Variants in PCDHGA4 observed in about 807,000 individuals in gnomAD.
The protein encoded by PCDHGA4 is protocadherin gamma-A4.
PCDHGA4 carries 38 observed loss-of-function variants against 54.6 expected under a neutral mutation model. The observed-to-expected ratio is 0.70, with a 90% CI of 0.54 to 0.91. The LOEUF is 0.91. Ranked by LOEUF, PCDHGA4 falls within the 40% of genes least tolerant of loss-of-function variation. PCDHGA4 has a pLI of 0.00. For synonymous variants in PCDHGA4, 511 were observed against 512.9 expected, an observed-to-expected ratio of 1.00 and a Z score of 0.05; for missense variants, 1,298 against 1,220.9, an observed-to-expected ratio of 1.06 and a Z score of -0.94.
Position 141,485,495 on chromosome 5 carries a change from T to C in PCDHGA4, c.2515-9312T>C. 1 of 1,613,494 alleles carries C rather than the reference T, an allele frequency of 6.2e-7. No homozygotes were observed. Among genetic ancestry groups the C allele is most frequent in the African/African-American group, 1.3e-5 (1 of 74,780 alleles). On this transcript the variant is annotated intron_variant, in intron 1 of 3. Coordinates refer to ENST00000571252, the MANE Select transcript of PCDHGA4 (RefSeq NM_018917.4). This position sits in a 1 kb window ranked among gnomAD's most constrained non-coding sequence, Gnocchi z 5.7. ...TGCCAGCTGCATCGTGCCCCTGGAG[T>C]TTGTCACCGAAGGTCCTTTGGAAAT...
At chr5:141,478,603 A>C (rs116528962) in intron 1 of PCDHGA4, 173 of 1,563,096 alleles carry the variant, frequency 1.1e-4, no homozygotes, top group Non-Finnish European at 1.4e-4. Context: ...CCTACATCAT[A>C]TTGAGGAAGG....
Position 141,421,845 on chromosome 5 carries a change from G to C in PCDHGA4, c.2514+64224G>C, listed in dbSNP as rs369443134. On this transcript the variant is annotated intron_variant, in intron 1 of 3. Transcript: ENST00000571252. ...AGGGAAGCCTGGACCGAGAGAAAGA[G>C]GCTGCTCACCTGCTCCTCCTCACAG... The C allele has an allele frequency of 1.1e-5, 18 of 1,613,638 alleles. No homozygotes were observed. The African/African-American group carries it at 2.1e-4, about 19-fold the overall frequency.
chr5:141,432,763 C>T lies in PCDHGA4; in HGVS notation c.2515-62044C>T. The T allele has an allele frequency of 6.2e-7, 1 of 1,614,152 alleles. No homozygotes were observed. The highest frequency in any genetic ancestry group is 8.5e-7 in the Non-Finnish European group (1 of 1,180,004). ...TCACCGTGGCCGTGGCCGACAGCAT[C>T]CCCCAAGTCCTGGCGGACCTCGGCA... On this transcript the variant is annotated intron_variant, in intron 1 of 3. Transcript: ENST00000571252. This position sits in a 1 kb window ranked among gnomAD's most constrained non-coding sequence, Gnocchi z 6.0.
At chr5:141,414,313 T>C in intron 1 of PCDHGA4, 1 of 1,613,748 alleles carries the variant, frequency 6.2e-7, no homozygotes, top group Non-Finnish European at 8.5e-7. Context: ...TGATTTAGAC[T>C]CTGAGCAGAA....
At chr5:141,366,199 G>C (rs1764397175) in intron 1 of PCDHGA4, 1 of 1,613,876 alleles carries the variant, frequency 6.2e-7, no homozygotes, top group Non-Finnish European at 8.5e-7. Flanking sequence ...GGCTGCACAC[G>C]GGCGAGGTGC....
intron 1 of PCDHGA4, chr5:141,404,993 C>G (rs1159647700): frequency 6.2e-7 from 1 of 1,613,850 alleles, no homozygotes; most frequent in Non-Finnish European, 8.5e-7. Flanking sequence ...TCTTCAGATC[C>G]CTGCAGACCT....
At chr5:141,384,274 G>C (rs1396743546) in intron 1 of PCDHGA4, 1 of 1,613,704 alleles carries the variant, frequency 6.2e-7, no homozygotes, top group Non-Finnish European at 8.5e-7. Flanking sequence ...ATCCTACTCA[G>C]TCTACATCGC....
At position 141,356,557 on chromosome 5, in the gene PCDHGA4, C is replaced by T; in HGVS notation, c.1450C>T (p.Pro484Ser). Residue 484 changes from proline (P) to serine (S), a missense_variant, in exon 1 of 4, where the codon CCT (proline) becomes TCT (serine). Coordinates refer to ENST00000571252, the MANE Select transcript of PCDHGA4 (RefSeq NM_018917.4). Reference protein sequence around the residue: ...MDINDNPPTFPHASYSAYIPE... With the variant: ...MDINDNPPTFSHASYSAYIPE... ...CATCAATGACAACCCACCCACTTTC[C>T]CTCATGCTTCCTACTCTGCTTACAT... 6.2e-7 allele frequency: 1 copy of T among 1,614,138 alleles called. No individual in the cohort carries two copies. Among genetic ancestry groups the T allele is most frequent in the Non-Finnish European group, 8.5e-7 (1 of 1,180,022 alleles).
chr5:141,410,009 T>G, intron 1 of PCDHGA4: 1 of 1,613,318 alleles, frequency 6.2e-7, no homozygotes, highest in Non-Finnish European at 8.5e-7. Context: ...ACACAACGCC[T>G]GGCTGTCCTA....
At chr5:141,406,948 CAT>C (rs777377851) in intron 1 of PCDHGA4, among the ~76,000 whole-genome samples, 2 of 152,096 alleles carry the variant, frequency 1.3e-5, no homozygotes, top group Non-Finnish European at 2.9e-5. Context: ...TTATTTTAAA[CAT>C]AGTGTTGTTT....
At chr5:141,399,189 A>G (rs1015744299) in intron 1 of PCDHGA4, 11 of 1,613,970 alleles carry the variant, frequency 6.8e-6, no homozygotes, top group African/African-American at 1.3e-5. Context: ...TGATTCTGGA[A>G]AACGCGGTGC....
rs376285031 is a variant in PCDHGA4 at position 141,356,912 on chromosome 5, G to C, written c.1805G>C (p.Gly602Ala). The part of the protein sequence containing the change: ...EILYPTFPTD[G>A]STGVELAPRS... ...CTGTACCCCACCTTCCCTACTGATG[G>C]CTCCACTGGTGTGGAGCTGGCACCC... Residue 602 changes from glycine to alanine, a missense_variant, in exon 1 of 4, where the codon GGC becomes GCC. Physicochemically the swap from Gly to Ala is moderately conservative, Grantham distance 60. Coordinates refer to ENST00000571252, the MANE Select transcript of PCDHGA4 (RefSeq NM_018917.4). 48 of 1,614,012 alleles carry C rather than the reference G, an allele frequency of 3.0e-5. No individual in the cohort carries two copies. The highest frequency in any genetic ancestry group is 3.5e-5 in the Non-Finnish European group (41 of 1,180,038).
At chr5:141,365,601 T>TCATGGAC in intron 1 of PCDHGA4, 4 of 1,613,644 alleles carry the variant, frequency 2.5e-6, no homozygotes, top group Non-Finnish European at 3.4e-6. Flanking sequence ...ACTTTAACCG[T>TCATGGAC]CATGGACCAT....
At position 141,364,968 on chromosome 5, in the gene PCDHGA4, C is replaced by T. The variant is rs368689829; in HGVS notation, c.2514+7347C>T. On this transcript the variant is annotated intron_variant, in intron 1 of 3. Transcript: ENST00000571252. ...GAGACTGTTCACGACCTCCTCCTCA[C>T]AGCTTTAGATGGCGGAGACCCGGTA... 166 of 1,613,836 alleles carry T rather than the reference C, an allele frequency of 1.0e-4. No homozygotes were observed. Among genetic ancestry groups the T allele is most frequent in the Non-Finnish European group, 1.4e-4 (162 of 1,179,906 alleles).
chr5:141,464,911 T>G (rs2099093002), intron 1 of PCDHGA4, among the ~76,000 whole-genome samples: 1 of 151,718 alleles, frequency 6.6e-6, no homozygotes, highest in Non-Finnish European at 1.5e-5. Context: ...GCTAATTTTT[T>G]TATTTTTTTG....
Position 141,491,930 on chromosome 5 carries a change from G to A in PCDHGA4, c.2515-2877G>A, listed in dbSNP as rs2099735399. On this transcript the variant is annotated intron_variant, in intron 1 of 3. Transcript: ENST00000571252. The surrounding 1 kb of genome is among the most constrained non-coding windows in gnomAD (Gnocchi z 6.9). ...GTGGCGACTGTGGGCGAGGGGAGGT[G>A]GGACCGACCCCCACCCCTACACTCA... 1.6e-6 allele frequency: 2 copies of A among 1,276,580 alleles called. No homozygotes were observed. The highest frequency in any genetic ancestry group is 2.1e-6 in the Non-Finnish European group (2 of 943,112). 79.1% of individuals were successfully genotyped at this position (1,276,580 alleles called of 1,614,324 possible).
chr5:141,457,416 C>T (rs1378171092), intron 1 of PCDHGA4, among the ~76,000 whole-genome samples: 1 of 152,172 alleles, frequency 6.6e-6, no homozygotes, highest in Non-Finnish European at 1.5e-5. Flanking sequence ...ATTACCCATC[C>T]CTTTTTCCCC....
At position 141,432,807 on chromosome 5, in the gene PCDHGA4, ACT is replaced by A. The variant is rs542925824; in HGVS notation, c.2515-61997_2515-61996del. On this transcript the variant is annotated intron_variant, in intron 1 of 3. Coordinates refer to ENST00000571252, the MANE Select transcript of PCDHGA4 (RefSeq NM_018917.4). This position sits in a 1 kb window ranked among gnomAD's most constrained non-coding sequence, Gnocchi z 6.0. ...CTCGGCAGCCTCGAGTCTCCAGCTA[ACT>A]CTGAAACCTCAGACCTCACTCTGTA... 352 of 1,613,946 alleles carry A rather than the reference ACT, an allele frequency of 2.2e-4. 2 individuals carry two copies. The African/African-American group carries it at 4.2e-3, about 19-fold the overall frequency.
chr5:141,464,306 A>G (rs1438401635), intron 1 of PCDHGA4, among the ~76,000 whole-genome samples: 3 of 150,952 alleles, frequency 2.0e-5, no homozygotes. Context: ...TTGTATGTGC[A>G]CATATCATTA....
Sources: gnomAD v4.1 joint callset for allele counts (sites outside exome capture counted in the v4.1 genomes callset) on GRCh38, gnomAD v4.1.1 for gene constraint, Gnocchi (gnomAD v3.1) non-coding constraint, MANE v1.5 for transcripts, NCBI Gene and HGNC (gene_info 2026-07-23, HGNC 2026-07-21) for gene names.